Variants in ANKRD6 observed in about 807,000 individuals in gnomAD.
The protein encoded by ANKRD6 is ankyrin repeat domain 6, also known as ankyrin repeat domain-containing protein 6.
In ANKRD6, 56 loss-of-function variants were observed where a neutral mutation model predicts 82.3. That is an observed-to-expected ratio of 0.68 (90% CI 0.55 to 0.85). The LOEUF (loss-of-function observed/expected upper bound fraction) is 0.85, where lower values mean the gene tolerates loss of function less well. Ranked by LOEUF, ANKRD6 falls within the 40% of genes least tolerant of loss-of-function variation. The pLI is 0.00. For missense variants in ANKRD6, 852 were observed against 907.6 expected (o/e 0.94, Z 0.79); for synonymous variants, 347 against 352.1 (o/e 0.99, Z 0.16).
intron 1 of ANKRD6, among the ~76,000 whole-genome samples, chr6:89,507,806 T>C (rs1342480097): frequency 6.6e-6 from 1 of 152,160 alleles, no homozygotes; most frequent in Admixed American, 6.5e-5. Context: ...AAAATATATA[T>C]AGTAAATGCT....
intron 1 of ANKRD6, among the ~76,000 whole-genome samples, chr6:89,435,582 G>T (rs1239569096): frequency 6.6e-6 from 1 of 152,166 alleles, no homozygotes; most frequent in Non-Finnish European, 1.5e-5. Flanking sequence ...AAAGTCGGGG[G>T]ATCTTTTAGT....
intron 1 of ANKRD6, among the ~76,000 whole-genome samples, chr6:89,556,797 A>G (rs539605898): frequency 7.2e-5 from 11 of 152,336 alleles, no homozygotes; most frequent in South Asian, 6.2e-4. Flanking sequence ...ATCTCATTCA[A>G]TCTTTGCAAC....
chr6:89,506,907 G>C (rs1779940008), intron 1 of ANKRD6, among the ~76,000 whole-genome samples: 1 of 152,234 alleles, frequency 6.6e-6, no homozygotes, highest in Admixed American at 6.5e-5. Flanking sequence ...CTCACCTCAT[G>C]CTTGTCTGTG....
At chr6:89,532,858 T>A (rs1168309331) in intron 1 of ANKRD6, among the ~76,000 whole-genome samples, 2 of 151,418 alleles carry the variant, frequency 1.3e-5, no homozygotes, top group Non-Finnish European at 2.9e-5. Context: ...TGTGCCACCA[T>A]GTCCAGCTGA....
At chr6:89,582,673 C>T (rs764213253) in intron 2 of ANKRD6, among the ~76,000 whole-genome samples, 4 of 149,104 alleles carry the variant, frequency 2.7e-5, no homozygotes, top group South Asian at 2.2e-4. Flanking sequence ...CACCATTCCA[C>T]TTTCTGTCTC....
At chr6:89,457,536 ATCTC>A (rs779007069) in intron 1 of ANKRD6, among the ~76,000 whole-genome samples, 5 of 152,216 alleles carry the variant, frequency 3.3e-5, no homozygotes, top group Admixed American at 6.5e-5. Flanking sequence ...TTTATGCTTA[ATCTC>A]TCTATCTGAC....
chr6:89,492,982 T>A (rs1377083216), intron 1 of ANKRD6, among the ~76,000 whole-genome samples: 1 of 152,244 alleles, frequency 6.6e-6, no homozygotes, highest in Non-Finnish European at 1.5e-5. Flanking sequence ...TACTCATGGC[T>A]TATGGCTTTT....
intron 1 of ANKRD6, among the ~76,000 whole-genome samples, chr6:89,541,768 T>G (rs958664002): frequency 5.3e-5 from 8 of 151,694 alleles, no homozygotes; most frequent in Non-Finnish European, 1.0e-4. Flanking sequence ...TGTACTTGTT[T>G]GTCAGTTCCT....
intron 4 of ANKRD6, 30 bp downstream of exon 4, chr6:89,603,157 C>G (rs1463237132): frequency 6.4e-7 from 1 of 1,569,918 alleles, no homozygotes; most frequent in Admixed American, 1.9e-5. Flanking sequence ...CCTTACTCCC[C>G]AAGGCAAGGG....
intron 1 of ANKRD6, among the ~76,000 whole-genome samples, chr6:89,482,031 GGA>G (rs1776875235): frequency 6.6e-6 from 1 of 152,134 alleles, no homozygotes; most frequent in South Asian, 2.1e-4. Context: ...CTCATAAGGT[GGA>G]AATAGCTGGT....
At chr6:89,522,022 AG>A (rs1374102271) in intron 1 of ANKRD6, among the ~76,000 whole-genome samples, 1 of 152,230 alleles carries the variant, frequency 6.6e-6, no homozygotes, top group Non-Finnish European at 1.5e-5. Context: ...CTATGTTGAC[AG>A]TTGAAATGCC....
chr6:89,451,804 C>G (rs1472618017), intron 1 of ANKRD6, among the ~76,000 whole-genome samples: 1 of 152,158 alleles, frequency 6.6e-6, no homozygotes, highest in Non-Finnish European at 1.5e-5. Flanking sequence ...TGATTTTGCT[C>G]CAGGACTTCT....
intron 1 of ANKRD6, among the ~76,000 whole-genome samples, chr6:89,545,545 C>T (rs1006290319): frequency 1.3e-4 from 20 of 152,286 alleles, no homozygotes; most frequent in African/African-American, 4.3e-4. Context: ...CTCTATGAGA[C>T]TTTATTTCTG....
In ANKRD6 at chr6:89,607,794, T is replaced by C. The variant is rs369859009; in HGVS notation, c.417+1689T>C. On this transcript the variant is annotated intron_variant, in intron 5 of 15. Transcript: ENST00000339746. ...CCTCAGCCTCCTAAGTAGCTGGGCA[T>C]GTGCCCCCACGCCCGGCTAATTTTT... is the stretch of plus-strand genomic sequence containing the variant. 4.6e-5 allele frequency among the ~76,000 whole-genome samples: 7 copies of C among 152,020 alleles called. No individual in the cohort carries two copies. In the East Asian group the frequency reaches 7.7e-4, roughly 17 times the overall value.
At chr6:89,552,122 A>C (rs1033924746) in intron 1 of ANKRD6, among the ~76,000 whole-genome samples, 12 of 152,266 alleles carry the variant, frequency 7.9e-5, no homozygotes, top group African/African-American at 2.7e-4. Flanking sequence ...ACAATATCCA[A>C]TTTGGAAGAA....
At chr6:89,535,758 G>A (rs1037830944) in intron 1 of ANKRD6, among the ~76,000 whole-genome samples, 3 of 152,196 alleles carry the variant, frequency 2.0e-5, no homozygotes, top group African/African-American at 7.2e-5. Flanking sequence ...AGCTAGGGAG[G>A]CAGTGTCACA....
rs531483160 is a variant in ANKRD6, at chr6:89,461,076, T to G, written c.-144+27701T>G. ...CCATCATGCCCGGCTAATGTTTGTA[T>G]TTATTTATTGTTTTTTTGGTAGAGA... is the stretch of plus-strand genomic sequence containing the variant. On this transcript the variant is annotated intron_variant, in intron 1 of 15. Transcript: ENST00000339746. 5.9e-5 allele frequency among the ~76,000 whole-genome samples: 9 copies of G among 152,086 alleles called. No homozygotes were observed. In the South Asian group the frequency reaches 1.7e-3, roughly 28 times the overall value.
intron 3 of ANKRD6, chr6:89,598,179 A>G (rs550843447): frequency 1.0e-6 from 1 of 985,382 alleles, no homozygotes; most frequent in African/African-American, 1.7e-5. Context: ...ATGAATTTCA[A>G]CCTGTGGAAA....
chr6:89,447,555 T>A (rs1262324039), intron 1 of ANKRD6, among the ~76,000 whole-genome samples: 1 of 152,220 alleles, frequency 6.6e-6, no homozygotes, highest in African/African-American at 2.4e-5. Context: ...GTGCTGATGT[T>A]GAAGCTACAG....
Sources: allele counts gnomAD v4.1 joint callset (sites outside exome capture counted in the v4.1 genomes callset), GRCh38; gene constraint gnomAD v4.1.1; transcripts MANE v1.5; gene names NCBI Gene and HGNC (gene_info 2026-07-23, HGNC 2026-07-21).